Variants in TBK1 observed in about 807,000 individuals in gnomAD.
The protein encoded by TBK1 is serine/threonine-protein kinase TBK1.
In TBK1, 37 loss-of-function variants were observed where a neutral mutation model predicts 99.9. That is an observed-to-expected ratio of 0.37 (90% CI 0.28 to 0.49). The LOEUF is 0.49. Among genes scored for constraint, TBK1 ranks in the 20% least tolerant of loss-of-function variants. The probability of loss-of-function intolerance (pLI) is 0.98; values close to 1 mark genes in which losing one functional copy is unlikely to be tolerated. For missense variants in TBK1, 644 were observed against 872.5 expected (o/e 0.74, Z 3.30); for synonymous variants, 258 against 279.8 (o/e 0.92, Z 0.78).
At position 64,501,423 on chromosome 12, in the gene TBK1, A is replaced by C; in HGVS notation, c.*42A>C. On this transcript the variant is annotated 3_prime_UTR_variant, in exon 21 of 21. Transcript: ENST00000331710. ...TAAGAAAAGTTTCCGTTTGCACAAG[A>C]AAATAACGCTTGGGCATTAAATGAA... 1 of 1,597,040 alleles carries C rather than the reference A, an allele frequency of 6.3e-7. No homozygotes were observed.
intron 4 of TBK1, 49 bp downstream of exon 4, chr12:64,464,512 C>T (rs199602631): frequency 2.3e-5 from 33 of 1,407,272 alleles, no homozygotes; most frequent in African/African-American, 1.5e-5. Context: ...AATTTAATAA[C>T]AGAATTTTTA....
rs2040921879 is a variant in TBK1, at chr12:64,496,004, A to AT, written c.1720+229_1720+230insT. 9.3e-6 allele frequency: 4 copies of AT among 430,674 alleles called. No homozygotes were observed. The East Asian group carries it at 1.7e-4, about 18-fold the overall frequency. 26.7% of individuals were successfully genotyped at this position (430,674 alleles called of 1,614,324 possible). A position where few individuals can be genotyped will look rare whatever the true frequency, so the allele number is the denominator to read the frequency against. On this transcript the variant is annotated intron_variant, in intron 15 of 20. Transcript: ENST00000331710. ...CAGGGTCATGAACACCAGAACCTCT[A>AT]AAGGCCAGGCAGGTAACAGAAAGGA...
intron 12 of TBK1, 136 bp from the exon 13 acceptor site, chr12:64,489,905 T>A: frequency 1.8e-6 from 1 of 550,836 alleles, no homozygotes; most frequent in Non-Finnish European, 3.0e-6. Flanking sequence ...AACAATCTGC[T>A]GGCTTATAGA....
At chr12:64,462,145 G>A (rs191307747) in intron 3 of TBK1, among the ~76,000 whole-genome samples, 55 of 152,244 alleles carry the variant, frequency 3.6e-4, no homozygotes, top group African/African-American at 1.3e-3. Flanking sequence ...AAATCATGCT[G>A]TGAGACTCTC....
At chr12:64,464,240 C>A in intron 3 of TBK1, 94 bp from the exon 4 acceptor site, 2 of 1,041,446 alleles carry the variant, frequency 1.9e-6, no homozygotes, top group Non-Finnish European at 1.3e-6. Context: ...ATCATTGTAG[C>A]AAATCCTACA....
chr12:64,460,443 C>A, intron 3 of TBK1, 114 bp downstream of exon 3: 3 of 703,562 alleles, frequency 4.3e-6, no homozygotes, highest in Non-Finnish European at 4.4e-6. Context: ...TTTGTACAAC[C>A]AAATACTTTA....
At chr12:64,460,026 T>A (rs1057442433) in intron 2 of TBK1, among the ~76,000 whole-genome samples, 163 bp from the exon 3 acceptor site, 1 of 152,256 alleles carries the variant, frequency 6.6e-6, no homozygotes, top group Admixed American at 6.5e-5. Context: ...TGATTCATTT[T>A]AACTTTTTAG....
intron 13 of TBK1, among the ~76,000 whole-genome samples, chr12:64,492,714 T>C (rs527373849): frequency 2.0e-5 from 3 of 151,638 alleles, no homozygotes; most frequent in East Asian, 1.9e-4. Flanking sequence ...TCCGTAGATA[T>C]CATTTTTTCT....
Position 64,492,897 on chromosome 12 carries a change from G to GTT in TBK1, c.1522-2570_1522-2569dup, listed in dbSNP as rs539329815. The stretch of plus-strand genomic sequence containing the variant: ...CCACCACGTCCAGCTAATTTTGTTT[G>GTT]TTTTTTTTTTTTTTTTTGGAGACGA... On this transcript the variant is annotated intron_variant, in intron 13 of 20. Transcript: ENST00000331710. Among the ~76,000 whole-genome samples, 636 of 113,630 alleles carry GTT rather than the reference G, an allele frequency of 5.6e-3. 7 individuals carry two copies. The highest frequency in any genetic ancestry group is 0.019 in the African/African-American group (589 of 30,604). The allele number at this position is 113,630 out of a possible 152,430, so 74.5% of individuals were successfully genotyped here.
rs763444507 is a variant in TBK1, at chr12:64,480,038, C to G, written c.728C>G (p.Ser243Cys). Residue 243 changes from serine to cysteine, a missense_variant, in exon 7 of 21, where the codon TCT becomes TGT. By Grantham distance (112) the Ser-to-Cys change is moderately radical. Coordinates refer to ENST00000331710, the MANE Select transcript of TBK1 (RefSeq NM_013254.4). ...VMYKIITGKPSGAISGVQKAE... is the reference protein window; with the variant it reads ...VMYKIITGKPCGAISGVQKAE... ...TATAAAATAATTACAGGAAAGCCTT[C>G]TGGTGCAATATCTGGAGTACAGAAA... 2 of 1,612,162 alleles carry G rather than the reference C, an allele frequency of 1.2e-6. No individual in the cohort carries two copies. Among genetic ancestry groups the G allele is most frequent in the Non-Finnish European group, 1.7e-6 (2 of 1,178,916 alleles).
intron 9 of TBK1, 100 bp downstream of exon 9, chr12:64,484,599 A>C: frequency 8.5e-7 from 1 of 1,175,316 alleles, no homozygotes; most frequent in Non-Finnish European, 1.2e-6. Context: ...AAATAAAACA[A>C]AAATTAGTGG....
At chr12:64,467,696 G>T (rs1405836273) in intron 5 of TBK1, among the ~76,000 whole-genome samples, 1 of 152,080 alleles carries the variant, frequency 6.6e-6, no homozygotes, top group Non-Finnish European at 1.5e-5. Context: ...TTTGGGTTTT[G>T]TCTTAAAAGT....
rs1432765959 is a variant in TBK1, at chr12:64,490,043, A to G, written c.1445A>G (p.Tyr482Cys). Residue 482 changes from tyrosine to cysteine, a missense_variant and splice_region_variant, in exon 13 of 21, where the codon TAT becomes TGT. Physicochemically the swap from Tyr to Cys is radical, Grantham distance 194. Around this residue, in one of 3 missense-constraint regions of TBK1, gnomAD observed 465 missense variants for 588.0 expected, o/e 0.79. Transcript: ENST00000331710. Reference protein sequence around the residue: ...IRNIEKTVKVYEKLMKINLEA... With the variant: ...IRNIEKTVKVCEKLMKINLEA... The stretch of plus-strand genomic sequence containing the variant: ...TTCTCTTTTGACTTTTCATACAGAT[A>G]TGAAAAGTTGATGAAGATCAACCTG... 6.2e-7 allele frequency: 1 copy of G among 1,606,356 alleles called. No individual in the cohort carries two copies. The highest frequency in any genetic ancestry group is 8.5e-7 in the Non-Finnish European group (1 of 1,175,926).
intron 2 of TBK1, among the ~76,000 whole-genome samples, chr12:64,459,844 T>TC (rs1287077633): frequency 6.6e-6 from 1 of 152,252 alleles, no homozygotes; most frequent in Non-Finnish European, 1.5e-5. Context: ...ACTTTCTATT[T>TC]CGTCTTTAAA....
chr12:64,493,629 T>TA (rs1051053590), intron 13 of TBK1, among the ~76,000 whole-genome samples: 1 of 146,570 alleles, frequency 6.8e-6, no homozygotes, highest in East Asian at 2.0e-4. Context: ...TCTCAAAAAA[T>TA]AAAAAAAAAG....
chr12:64,490,634 G>A (rs2040860398), intron 13 of TBK1, among the ~76,000 whole-genome samples: 1 of 152,066 alleles, frequency 6.6e-6, no homozygotes, highest in African/African-American at 2.4e-5. Context: ...GCTTGAGCTT[G>A]TTTAGAAATA....
chr12:64,471,916 C>T (rs893959665), intron 5 of TBK1, among the ~76,000 whole-genome samples: 1 of 152,062 alleles, frequency 6.6e-6, no homozygotes, highest in Non-Finnish European at 1.5e-5. Context: ...TGAGGAGGTC[C>T]GTCTTTGTCT....
intron 16 of TBK1, 96 bp downstream of exon 16, chr12:64,496,502 T>G (rs533528620): frequency 1.7e-6 from 1 of 581,480 alleles, no homozygotes; most frequent in Non-Finnish European, 2.7e-6. Context: ...AATTACAATT[T>G]AAAAATACAT....
intron 13 of TBK1, among the ~76,000 whole-genome samples, chr12:64,494,589 G>A (rs542051827): frequency 2.0e-5 from 3 of 152,252 alleles, no homozygotes; most frequent in African/African-American, 7.2e-5. Context: ...CATACAAATT[G>A]ATAAGGAAAA....
Sources: allele counts gnomAD v4.1 joint callset (sites outside exome capture counted in the v4.1 genomes callset), GRCh38; gene constraint gnomAD v4.1.1; regional missense constraint gnomAD v4.1.1; transcripts MANE v1.5; gene names NCBI Gene and HGNC (gene_info 2026-07-23, HGNC 2026-07-21).